The following MPPED1 variants were observed in gnomAD, a reference collection of about 807,000 sequenced individuals.
MPPED1 encodes the protein metallophosphoesterase domain-containing protein 1.
MPPED1 carries 16 observed loss-of-function variants against 36.2 expected under a neutral mutation model. The ratio of observed to expected loss-of-function variants is 0.44; its 90% CI spans 0.30 to 0.67. MPPED1 has a LOEUF of 0.67. Ranked by LOEUF, MPPED1 falls within the 30% of genes least tolerant of loss-of-function variation. MPPED1 has a pLI of 0.10. For synonymous variants in MPPED1, 199 were observed against 191.3 expected (o/e 1.04, Z -0.33); for missense variants, 307 against 453.4 (o/e 0.68, Z 2.93).
At chr22:43,415,065 C>A (rs12483886) in intron 1 of MPPED1, among the ~76,000 whole-genome samples, 32,552 of 151,536 alleles carry the variant, frequency 0.21, 4,734 homozygotes, top group East Asian at 0.6. Context: ...CAGCAAGAAC[C>A]GTTTAATGTA....
chr22:43,425,254 C>CG, intron 2 of MPPED1, 45 bp downstream of exon 2: 1 of 991,360 alleles, frequency 1.0e-6, no homozygotes, highest in Non-Finnish European at 1.4e-6. Context: ...TGACGGCCCC[C>CG]TGGGGTGGGT....
At chr22:43,468,223 A>G (rs1348418446) in intron 3 of MPPED1, among the ~76,000 whole-genome samples, 1 of 152,248 alleles carries the variant, frequency 6.6e-6, no homozygotes, top group Non-Finnish European at 1.5e-5. Flanking sequence ...CTGGGAAAAA[A>G]GGAGGCATTT....
At chr22:43,463,403 C>A (rs373580821) in intron 3 of MPPED1, among the ~76,000 whole-genome samples, 3 of 149,982 alleles carry the variant, frequency 2.0e-5, no homozygotes, top group African/African-American at 7.4e-5. Flanking sequence ...GCAGTCACAG[C>A]TCACCACATC....
chr22:43,433,650 G>T (rs1929846836), intron 2 of MPPED1, among the ~76,000 whole-genome samples: 1 of 151,572 alleles, frequency 6.6e-6, no homozygotes, highest in African/African-American at 2.4e-5. Flanking sequence ...AGGCTGGCTC[G>T]GCGCCTCCGG....
At chr22:43,467,706 C>G (rs557163002) in intron 3 of MPPED1, among the ~76,000 whole-genome samples, 1 of 152,304 alleles carries the variant, frequency 6.6e-6, no homozygotes, top group East Asian at 1.9e-4. Context: ...TATGCCGTCT[C>G]TTTATTCCAT....
intron 2 of MPPED1, among the ~76,000 whole-genome samples, chr22:43,428,077 A>C (rs1929543906): frequency 6.6e-6 from 1 of 152,140 alleles, no homozygotes; most frequent in Non-Finnish European, 1.5e-5. Context: ...CAGTGATCGA[A>C]GGCACCCCTG....
chr22:43,476,189 C>T (rs1186742711), intron 4 of MPPED1, among the ~76,000 whole-genome samples: 1 of 152,120 alleles, frequency 6.6e-6, no homozygotes, highest in African/African-American at 2.4e-5. Context: ...TTACTCAGCC[C>T]TGTGAGGACT....
At chr22:43,427,415 C>T (rs6003196) in intron 2 of MPPED1, among the ~76,000 whole-genome samples, 5 of 152,012 alleles carry the variant, frequency 3.3e-5, no homozygotes, top group East Asian at 1.9e-4. Context: ...GGCGGCAGGT[C>T]GGAGCCTGCA....
At chr22:43,415,071 A>G (rs12483875) in intron 1 of MPPED1, among the ~76,000 whole-genome samples, 32,589 of 151,654 alleles carry the variant, frequency 0.21, 4,750 homozygotes, top group East Asian at 0.6. Context: ...GAACCGTTTA[A>G]TGTAGCCTGG....
intron 1 of MPPED1, chr22:43,417,886 G>A (rs7288538): frequency 0.053 from 19,359 of 367,658 alleles, 845 homozygotes; most frequent in African/African-American, 0.15. Context: ...ACGGAGCCAA[G>A]GTGCGTCTAG....
chr22:43,486,893 G>A (rs1186370651), intron 4 of MPPED1, among the ~76,000 whole-genome samples: 1 of 152,070 alleles, frequency 6.6e-6, no homozygotes, highest in Admixed American at 6.5e-5. Context: ...AGAGAGAATG[G>A]GACACTCAGC....
chr22:43,412,267 G>T, intron 1 of MPPED1, 109 bp downstream of exon 1: 1 of 716,118 alleles, frequency 1.4e-6, no homozygotes, highest in Non-Finnish European at 1.7e-6. Flanking sequence ...GCTGCGCAGG[G>T]GCGCCCGCAA....
At chr22:43,448,737 G>T (rs997040589) in intron 3 of MPPED1, among the ~76,000 whole-genome samples, 1 of 151,926 alleles carries the variant, frequency 6.6e-6, no homozygotes, top group Non-Finnish European at 1.5e-5. Context: ...TGAGTAGCTG[G>T]GATTACAGGC....
At chr22:43,423,350 G>C (rs1258084261) in intron 1 of MPPED1, among the ~76,000 whole-genome samples, 1 of 152,226 alleles carries the variant, frequency 6.6e-6, no homozygotes, top group Non-Finnish European at 1.5e-5. Context: ...CAGACAAGAG[G>C]GGTGCAGGCC....
At chr22:43,476,081 T>G (rs1931568243) in intron 4 of MPPED1, among the ~76,000 whole-genome samples, 2 of 150,654 alleles carry the variant, frequency 1.3e-5, no homozygotes, top group African/African-American at 2.4e-5. Context: ...GTGGGGGTGG[T>G]GGTGATGATG....
intron 1 of MPPED1, among the ~76,000 whole-genome samples, chr22:43,419,924 A>G (rs1929206221): frequency 6.6e-6 from 1 of 152,100 alleles, no homozygotes; most frequent in African/African-American, 2.4e-5. Context: ...AACAACAAAT[A>G]AATGTCTCTG....
chr22:43,425,378 C>T (rs938609380), intron 2 of MPPED1, among the ~76,000 whole-genome samples, 169 bp downstream of exon 2: 3 of 152,226 alleles, frequency 2.0e-5, no homozygotes, highest in African/African-American at 7.2e-5. Flanking sequence ...TGGGAGGGAC[C>T]GGCAAGAAGT....
At chr22:43,443,195 G>A (rs1930213465) in intron 3 of MPPED1, among the ~76,000 whole-genome samples, 1 of 152,242 alleles carries the variant, frequency 6.6e-6, no homozygotes, top group South Asian at 2.1e-4. Flanking sequence ...GAAGGACCCA[G>A]CTCTGAATTC....
intron 5 of MPPED1, among the ~76,000 whole-genome samples, chr22:43,501,849 GTCTCTA>G (rs113461870): frequency 1.1e-4 from 16 of 151,264 alleles, no homozygotes; most frequent in African/African-American, 3.6e-4. Flanking sequence ...CCTCATCTTT[GTCTCTA>G]TCTCTGTCTG....
Sources: allele counts gnomAD v4.1 joint callset (sites outside exome capture counted in the v4.1 genomes callset), GRCh38; gene constraint gnomAD v4.1.1; transcripts MANE v1.5; gene names NCBI Gene and HGNC (gene_info 2026-07-23, HGNC 2026-07-21).